Variants in STXBP2 observed in about 807,000 individuals in gnomAD.
STXBP2 encodes syntaxin binding protein 2, also known as syntaxin-binding protein 2.
STXBP2 carries 47 observed loss-of-function variants against 72.2 expected under a neutral mutation model. That is an observed-to-expected ratio of 0.65 (90% CI 0.51 to 0.83). The LOEUF is 0.83. STXBP2 is among the 40% of genes least tolerant of loss of function. STXBP2 has a pLI of 0.00. For synonymous variants in STXBP2, 367 were observed against 338.7 expected, an observed-to-expected ratio of 1.08 and a Z score of -0.92; for missense variants, 702 against 807.6, an observed-to-expected ratio of 0.87 and a Z score of 1.58.
chr19:7,630,756 G>A, the STXBP2 span: 3 of 1,536,060 alleles, frequency 2.0e-6, no homozygotes, highest in Non-Finnish European at 2.6e-6. Context: ...CCCATAAGCC[G>A]ACCCTGCCCT....
At chr19:7,643,888 TG>T (rs2032009096) in intron 13 of STXBP2, among the ~76,000 whole-genome samples, 1 of 122,614 alleles carries the variant, frequency 8.2e-6, no homozygotes. Context: ...CTTGGAGAGG[TG>T]GGACCTGAGT....
Position 7,642,600 on chromosome 19 carries a change from G to T in STXBP2, c.902+64G>T, listed in dbSNP as rs985951873. ...CACTGTGGGCCTGGTAGCGGCCTTG[G>T]GATCCCTGGCTGCTGCCAAGTCTTT... On this transcript the variant is annotated intron_variant, in intron 10 of 18. Transcript: ENST00000221283. The surrounding 1 kb of genome is among the most constrained non-coding windows in gnomAD (Gnocchi z 6.0). The T allele has an allele frequency of 5.8e-5, 93 of 1,591,164 alleles. No individual in the cohort carries two copies. Among genetic ancestry groups the T allele is most frequent in the Non-Finnish European group, 7.5e-5 (87 of 1,160,154 alleles).
chr19:7,647,542 T>TG, intron 18 of STXBP2, 31 bp downstream of exon 18: 1 of 1,572,200 alleles, frequency 6.4e-7, no homozygotes, highest in Non-Finnish European at 8.6e-7. Context: ...CCCTGGGGTC[T>TG]GGGGCTTGGG....
chr19:7,638,556 C>T (rs1312834935), intron 1 of STXBP2, among the ~76,000 whole-genome samples, 170 bp from the exon 2 acceptor site: 1 of 151,660 alleles, frequency 6.6e-6, no homozygotes, highest in Non-Finnish European at 1.5e-5. Flanking sequence ...GAGTTATGAT[C>T]ACACCACTGC....
chr19:7,638,524 C>G (rs1193409265), intron 1 of STXBP2, among the ~76,000 whole-genome samples: 1 of 151,918 alleles, frequency 6.6e-6, no homozygotes, highest in Non-Finnish European at 1.5e-5. Flanking sequence ...ATCGCTGGAG[C>G]CCAGGAGTTG....
chr19:7,647,109 A>G, intron 16 of STXBP2, 53 bp from the exon 17 acceptor site: 1 of 1,592,524 alleles, frequency 6.3e-7, no homozygotes, highest in Non-Finnish European at 8.6e-7. Flanking sequence ...GGCACTCCTG[A>G]CCCCGGACCC....
chr19:7,639,350 C>T (rs1284996726), intron 3 of STXBP2: 5 of 613,576 alleles, frequency 8.1e-6, no homozygotes, highest in East Asian at 2.8e-5. Context: ...CCTTCCTGAC[C>T]GTGCAGCTCC....
chr19:7,639,154 G>A lies in STXBP2; in HGVS notation c.169+54G>A, dbSNP rs2031688494. On this transcript the variant is annotated intron_variant, in intron 3 of 18. Transcript: ENST00000221283. ...GACCTGAGCGTGGGAACCCCTGACT[G>A]TGCCCCTCTCCCAGGGTTCAGCCCT... 15 of 1,578,044 alleles carry A rather than the reference G, an allele frequency of 9.5e-6. No individual in the cohort carries two copies. The South Asian group carries it at 1.5e-4, about 15-fold the overall frequency.
chr19:7,647,753 C>T lies in STXBP2; in HGVS notation c.1725C>T (p.Arg575=). The change falls in exon 19 of 19, where the codon CGC becomes CGT. Residue 575 remains arginine, a synonymous_variant. Transcript: ENST00000221283. ...CCTCACACATCCTCACCCCGACCCGCTTCCTGGATGACCTGAAGGCACTGG... is the reference window on the plus strand; with the variant it reads ...CCTCACACATCCTCACCCCGACCCGTTTCCTGGATGACCTGAAGGCACTGG... ...IGSSHILTPT[R]FLDDLKALDK... is the part of the protein sequence containing the mutation. The T allele has an allele frequency of 6.2e-7, 1 of 1,614,150 alleles. No homozygotes were observed. The highest frequency in any genetic ancestry group is 8.5e-7 in the Non-Finnish European group (1 of 1,180,020).
At chr19:7,644,186 C>T (rs1674037) in intron 13 of STXBP2, among the ~76,000 whole-genome samples, 14,865 of 34,702 alleles carry the variant, frequency 0.43, 3,713 homozygotes, top group African/African-American at 0.49. Context: ...GGTGGAGCCT[C>T]GGAGAGGTGG....
In STXBP2 at chr19:7,640,702, A is replaced by G. The variant is rs201651230; in HGVS notation, c.247-29A>G. The G allele has an allele frequency of 8.1e-6, 13 of 1,614,122 alleles. No individual in the cohort carries two copies. The East Asian group carries it at 2.5e-4, about 30-fold the overall frequency. On this transcript the variant is annotated intron_variant, in intron 4 of 18. Coordinates refer to ENST00000221283, the MANE Select transcript of STXBP2 (RefSeq NM_006949.4). Reference sequence around the variant, plus strand: ...CCAATGAGCCTAGGTGTGCAGGCTCAGGCCCAGAGAGTGATCCACCTTCCC... The same window carrying G: ...CCAATGAGCCTAGGTGTGCAGGCTCGGGCCCAGAGAGTGATCCACCTTCCC...
At chr19:7,647,298 C>A (rs370063718) in intron 17 of STXBP2, 51 bp downstream of exon 17, 142 of 1,611,426 alleles carry the variant, frequency 8.8e-5, no homozygotes, top group Admixed American at 2.7e-4. Flanking sequence ...GTTAGGTGGG[C>A]GGCCTGGCGG....
At chr19:7,634,888 C>G (rs559352728), upstream of STXBP2, among the ~76,000 whole-genome samples, 1 of 152,324 alleles carries the variant, frequency 6.6e-6, no homozygotes, top group East Asian at 1.9e-4. Context: ...CATTCTCCCT[C>G]TGTGTCCCAG....
chr19:7,640,142 G>A (rs1440295886), intron 4 of STXBP2: 4 of 539,928 alleles, frequency 7.4e-6, no homozygotes, highest in East Asian at 7.9e-5. Context: ...ATGTGTGTGT[G>A]CATCTGTGTG....
At chr19:7,631,403 G>T in the STXBP2 span, 3 of 1,091,156 alleles carry the variant, frequency 2.7e-6, no homozygotes, top group East Asian at 2.7e-5. Flanking sequence ...GGTGGGCGGG[G>T]GGGGGTGGTC....
In STXBP2 at chr19:7,642,854, T is replaced by C; in HGVS notation, c.960+31T>C. The C allele has an allele frequency of 6.2e-7, 1 of 1,614,016 alleles. No homozygotes were observed. The highest frequency in any genetic ancestry group is 8.5e-7 in the Non-Finnish European group (1 of 1,179,942). On this transcript the variant is annotated intron_variant, in intron 11 of 18. Coordinates refer to ENST00000221283, the MANE Select transcript of STXBP2 (RefSeq NM_006949.4). The surrounding 1 kb of genome is among the most constrained non-coding windows in gnomAD (Gnocchi z 6.0). ...GGCGGACCCAGGTCACCAAAGGCGC[T>C]GGTGGAAGGAAGCCCCCCTCCCCAT...
chr19:7,633,390 G>A (rs2031414937), upstream of STXBP2: 1 of 1,563,534 alleles, frequency 6.4e-7, no homozygotes. Flanking sequence ...GGTGGGGTGG[G>A]GGCAGGGCCC....
Position 7,640,893 on chromosome 19 carries a change from A to T in STXBP2, c.326-7A>T, listed in dbSNP as rs201642896. 6.3e-7 allele frequency: 1 copy of T among 1,589,470 alleles called. No individual in the cohort carries two copies. The highest frequency in any genetic ancestry group is 8.5e-7 in the Non-Finnish European group (1 of 1,172,264). On this transcript the variant is annotated splice_polypyrimidine_tract_variant and splice_region_variant and intron_variant, in intron 5 of 18. Coordinates refer to ENST00000221283, the MANE Select transcript of STXBP2 (RefSeq NM_006949.4). Reference sequence around the variant, plus strand: ...TGGCCTGATGCCCCACTCCTGCCTCACCCCAGCCTGCCCCGAGCCCCTGTT... The same window carrying T: ...TGGCCTGATGCCCCACTCCTGCCTCTCCCCAGCCTGCCCCGAGCCCCTGTT...
upstream of STXBP2, chr19:7,632,027 G>A (rs996245528): frequency 2.0e-6 from 1 of 487,956 alleles, no homozygotes; most frequent in Admixed American, 3.8e-5. This position sits in a 1 kb window ranked among gnomAD's most constrained non-coding sequence, Gnocchi z 5.2. Context: ...CCCAAGCTTC[G>A]TGTATGTGTG....
Sources: allele counts gnomAD v4.1 joint callset (sites outside exome capture counted in the v4.1 genomes callset), GRCh38; gene constraint gnomAD v4.1.1; non-coding constraint Gnocchi (gnomAD v3.1); transcripts MANE v1.5; gene names NCBI Gene and HGNC (gene_info 2026-07-23, HGNC 2026-07-21).